Variants in MTUS1 observed in about 807,000 individuals in gnomAD.
MTUS1 encodes the protein microtubule-associated tumor suppressor 1.
MTUS1 carries 109 observed loss-of-function variants against 120.8 expected under a neutral mutation model. The ratio of observed to expected loss-of-function variants is 0.90; its 90% confidence interval spans 0.77 to 1.06. The LOEUF is 1.06. MTUS1 is among the 50% of genes least tolerant of loss of function. MTUS1 has a pLI of 0.00. For synonymous variants in MTUS1, 737 were observed against 550.5 expected, an observed-to-expected ratio of 1.34 and a Z score of -4.74; for missense variants, 2,210 against 1,486.3, an observed-to-expected ratio of 1.49 and a Z score of -8.01.
At chr8:17,794,856 A>T (rs1457493627) in intron 1 of MTUS1, among the ~76,000 whole-genome samples, 2 of 152,168 alleles carry the variant, frequency 1.3e-5, no homozygotes, top group South Asian at 2.1e-4. Flanking sequence ...GAAACTGCTC[A>T]TATCTATGCT....
At chr8:17,744,918 T>G (rs1227095001) in intron 2 of MTUS1, among the ~76,000 whole-genome samples, 1 of 152,168 alleles carries the variant, frequency 6.6e-6, no homozygotes, top group South Asian at 2.1e-4. Context: ...ATGTCTCATC[T>G]TCCCAGACCA....
chr8:17,800,182 C>T (rs929860987), intron 1 of MTUS1, among the ~76,000 whole-genome samples: 7 of 152,068 alleles, frequency 4.6e-5, no homozygotes, highest in African/African-American at 1.7e-4. Context: ...TTTTAATCCC[C>T]TCCCTCCTGC....
intron 6 of MTUS1, among the ~76,000 whole-genome samples, chr8:17,711,180 GCTT>G: frequency 6.6e-6 from 1 of 152,184 alleles, no homozygotes; most frequent in Non-Finnish European, 1.5e-5. Flanking sequence ...AGAAGTATTA[GCTT>G]CTAATAAGAC....
intron 6 of MTUS1, among the ~76,000 whole-genome samples, chr8:17,687,381 A>G (rs906133413): frequency 3.3e-5 from 5 of 152,128 alleles, no homozygotes; most frequent in African/African-American, 1.2e-4. Context: ...GCTCATCAAT[A>G]CGTACTTCAC....
intron 2 of MTUS1, among the ~76,000 whole-genome samples, chr8:17,752,818 G>A (rs1309652352): frequency 6.6e-6 from 1 of 152,088 alleles, no homozygotes; most frequent in Non-Finnish European, 1.5e-5. Flanking sequence ...AGCCTGTCTG[G>A]GGCTGAAAAT....
intron 1 of MTUS1, among the ~76,000 whole-genome samples, chr8:17,782,015 C>T (rs1391708669): frequency 6.6e-6 from 1 of 152,226 alleles, no homozygotes; most frequent in African/African-American, 2.4e-5. Context: ...TGATGGCCCT[C>T]GGTTGGCCAG....
intron 1 of MTUS1, among the ~76,000 whole-genome samples, chr8:17,778,475 C>T (rs948834308): frequency 1.3e-5 from 2 of 152,086 alleles, no homozygotes; most frequent in African/African-American, 2.4e-5. Context: ...ACTATACACC[C>T]GAAAAGTGCA....
chr8:17,747,532 A>G (rs536304292), intron 2 of MTUS1, among the ~76,000 whole-genome samples: 27 of 152,286 alleles, frequency 1.8e-4, no homozygotes, highest in Admixed American at 1.4e-3. Flanking sequence ...CCTTCAAGGC[A>G]AAAACCCTGA....
chr8:17,797,229 A>T (rs1398493138), intron 1 of MTUS1, among the ~76,000 whole-genome samples: 1 of 151,522 alleles, frequency 6.6e-6, no homozygotes, highest in South Asian at 2.1e-4. Context: ...CCTGGGCAAC[A>T]TGGCAAAACC....
intron 11 of MTUS1, 39 bp downstream of exon 11, chr8:17,653,386 T>G (rs373275764): frequency 4.5e-6 from 7 of 1,547,336 alleles, no homozygotes; most frequent in Admixed American, 2.0e-5. Context: ...AATGATATTT[T>G]TTTTTGTGGG....
rs1313824684 is a variant in MTUS1 at position 17,644,737 on chromosome 8, C to T, written c.*1189G>A. 1.3e-5 allele frequency: 2 copies of T among 152,196 alleles called. No homozygotes were observed. Among genetic ancestry groups the T allele is most frequent in the Non-Finnish European group, 2.9e-5 (2 of 68,026 alleles). 9.4% of individuals were successfully genotyped at this position (152,196 alleles called of 1,614,324 possible). ...CTTAATTATACTAGCCAATGACTTC[C>T]TTGTTCTCGTTCTTTATTCTAAGAT... is the stretch of plus-strand genomic sequence containing the variant. On this transcript the variant is annotated 3_prime_UTR_variant, in exon 15 of 15. Coordinates refer to ENST00000693296, the MANE Select transcript of MTUS1 (RefSeq NM_001363059.2).
chr8:17,725,169 T>C (rs1482107017), intron 3 of MTUS1, among the ~76,000 whole-genome samples: 1 of 152,156 alleles, frequency 6.6e-6, no homozygotes, highest in African/African-American at 2.4e-5. Context: ...ACCACCTAAC[T>C]GAAGACTACC....
At position 17,753,937 on chromosome 8, in the gene MTUS1, G is replaced by A; in HGVS notation, c.1871C>T (p.Ala624Val). Residue 624 changes from alanine (A) to valine (V), a missense_variant, in exon 2 of 15, where the codon GCA (alanine) becomes GTA (valine). Physicochemically the swap from Ala to Val is moderately conservative, Grantham distance 64. Transcript: ENST00000693296. ...CGCAGAAACGGACCCGGTCTCGCAT[G>A]CTGAGTTAGAAGAACTGGCTTTGTC... is the stretch of plus-strand genomic sequence containing the variant. Reference protein sequence around the residue: ...DVDKASSSNSACETGSVSALF... With the variant: ...DVDKASSSNSVCETGSVSALF... 1.2e-6 allele frequency: 2 copies of A among 1,614,162 alleles called. No individual in the cohort carries two copies. Among genetic ancestry groups the A allele is most frequent in the Non-Finnish European group, 1.7e-6 (2 of 1,180,032 alleles).
At chr8:17,773,583 G>A (rs139428325) in intron 1 of MTUS1, among the ~76,000 whole-genome samples, 102 of 152,282 alleles carry the variant, frequency 6.7e-4, no homozygotes, top group African/African-American at 2.3e-3. Flanking sequence ...CCATCTTGCT[G>A]TGTCATAACA....
Position 17,654,661 on chromosome 8 carries a change from G to A in MTUS1, c.3114C>T (p.Asp1038=). ...KYKMQLQEQF[D]NLNAAHETSK... Reference sequence around the variant, plus strand: ...AGGTTTCATGCGCAGCATTTAAGTTGTCAAACTGTAAGCAACAAACAAAAC... The same window carrying A: ...AGGTTTCATGCGCAGCATTTAAGTTATCAAACTGTAAGCAACAAACAAAAC... Residue 1038 remains aspartate (D), a synonymous_variant, in exon 10 of 15, where the codon GAC becomes GAT. Transcript: ENST00000693296. 1 of 1,612,360 alleles carries A rather than the reference G, an allele frequency of 6.2e-7. No homozygotes were observed. The highest frequency in any genetic ancestry group is 1.1e-5 in the South Asian group (1 of 91,044).
intron 6 of MTUS1, among the ~76,000 whole-genome samples, chr8:17,690,033 T>TAA (rs1252664598): frequency 6.6e-6 from 1 of 152,110 alleles, no homozygotes; most frequent in Non-Finnish European, 1.5e-5. Flanking sequence ...AAATGGGACT[T>TAA]AAACTAAAAA....
chr8:17,669,183 A>C (rs922549851), intron 8 of MTUS1, among the ~76,000 whole-genome samples: 2 of 152,230 alleles, frequency 1.3e-5, no homozygotes, highest in Admixed American at 1.3e-4. Context: ...GGTGCTTTGA[A>C]AAGCACACTA....
intron 7 of MTUS1, chr8:17,676,576 C>G (rs1813167260): frequency 1.8e-6 from 1 of 549,778 alleles, no homozygotes; most frequent in Non-Finnish European, 3.2e-6. Context: ...AAGCCACAGC[C>G]TTTCATTTAT....
At chr8:17,659,146 G>C (rs1054276014) in intron 8 of MTUS1, among the ~76,000 whole-genome samples, 11 of 151,914 alleles carry the variant, frequency 7.2e-5, no homozygotes, top group Non-Finnish European at 1.6e-4. Flanking sequence ...GATGGGTTTC[G>C]GTGAGCAGTC....
Sources: allele counts gnomAD v4.1 joint callset (sites outside exome capture counted in the v4.1 genomes callset), GRCh38; gene constraint gnomAD v4.1.1; transcripts MANE v1.5; gene names NCBI Gene and HGNC (gene_info 2026-07-23, HGNC 2026-07-21).